The following FAM193A variants were observed in gnomAD, a reference collection of about 807,000 sequenced individuals.
The protein encoded by FAM193A is family with sequence similarity 193 member A, also known as protein FAM193A.
A neutral mutation model predicts 126.5 loss-of-function variants in FAM193A; 22 were observed. The observed-to-expected ratio is 0.17, with a 90% CI of 0.12 to 0.25. FAM193A has a LOEUF of 0.25. Ranked by LOEUF, FAM193A falls within the 10% of genes least tolerant of loss-of-function variation. The pLI, the probability that FAM193A is intolerant of heterozygous loss-of-function variation, is 1.00. For synonymous variants in FAM193A, 761 were observed against 646.8 expected, an observed-to-expected ratio of 1.18 and a Z score of -2.68; for missense variants, 1,675 against 1,672.8, an observed-to-expected ratio of 1.00 and a Z score of -0.02.
chr4:2,615,934 T>C (rs146931246), intron 2 of FAM193A, among the ~76,000 whole-genome samples: 4,740 of 151,902 alleles, frequency 0.031, 228 homozygotes, highest in African/African-American at 0.11. Flanking sequence ...GCCTCAGCCT[T>C]CTGAGTAGCT....
chr4:2,608,013 A>G (rs1200964005), intron 2 of FAM193A: 4 of 1,600,046 alleles, frequency 2.5e-6, no homozygotes, highest in African/African-American at 2.7e-5. Context: ...TGGGGTGTGA[A>G]TGTGCACCAC....
chr4:2,591,961 T>G (rs1197737126), intron 1 of FAM193A, among the ~76,000 whole-genome samples: 1 of 152,208 alleles, frequency 6.6e-6, no homozygotes, highest in Non-Finnish European at 1.5e-5. Flanking sequence ...TATTCTCCTA[T>G]GCAAAAATTT....
intron 5 of FAM193A, among the ~76,000 whole-genome samples, chr4:2,636,205 A>G (rs1744072737): frequency 6.6e-6 from 1 of 151,976 alleles, no homozygotes; most frequent in Non-Finnish European, 1.5e-5. Flanking sequence ...CTGGAACTAC[A>G]GGTGGGTGCC....
intron 12 of FAM193A, among the ~76,000 whole-genome samples, chr4:2,665,975 T>G (rs1713070662): frequency 6.6e-6 from 1 of 152,146 alleles, no homozygotes; most frequent in African/African-American, 2.4e-5. Context: ...GCCTCCCGAG[T>G]GCTTTTAATT....
At chr4:2,723,448 G>T (rs1374386823) in intron 20 of FAM193A, among the ~76,000 whole-genome samples, 1 of 151,566 alleles carries the variant, frequency 6.6e-6, no homozygotes, top group Non-Finnish European at 1.5e-5. Flanking sequence ...GGTGGTGGGT[G>T]CCTGTAATCC....
At chr4:2,716,209 C>T (rs1348239469) in intron 20 of FAM193A, 105 bp downstream of exon 20, 3 of 799,572 alleles carry the variant, frequency 3.8e-6, no homozygotes, top group East Asian at 2.5e-5. Context: ...GACGAAGTTA[C>T]ATCAAGCAAG....
chr4:2,551,060 A>G (rs1011687010), intron 1 of FAM193A, among the ~76,000 whole-genome samples: 1 of 152,126 alleles, frequency 6.6e-6, no homozygotes, highest in Non-Finnish European at 1.5e-5. Context: ...TTGGCCTCCT[A>G]AAGTGCTGGG....
chr4:2,576,636 T>C (rs1739604375), intron 1 of FAM193A, among the ~76,000 whole-genome samples: 1 of 152,226 alleles, frequency 6.6e-6, no homozygotes, highest in Admixed American at 6.5e-5. Context: ...CTTGAGTAGC[T>C]GGGATTACAG....
At chr4:2,651,774 C>G (rs1257368665) in intron 7 of FAM193A, among the ~76,000 whole-genome samples, 1 of 152,220 alleles carries the variant, frequency 6.6e-6, no homozygotes, top group East Asian at 1.9e-4. Flanking sequence ...CAGGACAGCT[C>G]TGACCAGACT....
intron 1 of FAM193A, among the ~76,000 whole-genome samples, chr4:2,570,563 A>G (rs1739232769): frequency 6.6e-6 from 1 of 152,180 alleles, no homozygotes; most frequent in African/African-American, 2.4e-5. Context: ...GTTATAGGAC[A>G]CAGCAGTAAA....
chr4:2,552,661 CT>C (rs1738007115), intron 1 of FAM193A, among the ~76,000 whole-genome samples: 1 of 151,672 alleles, frequency 6.6e-6, no homozygotes, highest in South Asian at 2.1e-4. Flanking sequence ...CCTCAGCCTC[CT>C]GAGTAGCTGG....
At chr4:2,606,202 C>T (rs1037829693) in intron 2 of FAM193A, among the ~76,000 whole-genome samples, 1 of 151,404 alleles carries the variant, frequency 6.6e-6, no homozygotes, top group African/African-American at 2.4e-5. Flanking sequence ...AGGCGTTTGC[C>T]ACTGCGCCCG....
Position 2,563,088 on chromosome 4 carries a change from G to A in FAM193A, c.255+25918G>A, listed in dbSNP as rs1477025021. 2.6e-5 allele frequency among the ~76,000 whole-genome samples: 4 copies of A among 151,846 alleles called. No homozygotes were observed. In the East Asian group the frequency reaches 5.8e-4, roughly 22 times the overall value. ...GCCTCCCAAGTAACTGGGATTACAGGCGCCTGCCACCATGCCCAGCTAATT... is the reference window on the plus strand; with the variant it reads ...GCCTCCCAAGTAACTGGGATTACAGACGCCTGCCACCATGCCCAGCTAATT... On this transcript the variant is annotated intron_variant, in intron 1 of 20. Transcript: ENST00000637812.
At chr4:2,546,369 G>C (rs1560432676) in intron 1 of FAM193A, among the ~76,000 whole-genome samples, 1 of 151,974 alleles carries the variant, frequency 6.6e-6, no homozygotes, top group Non-Finnish European at 1.5e-5. Flanking sequence ...CCACAATCAG[G>C]ATACAGAACA....
chr4:2,663,469 A>G (rs1427306558), intron 12 of FAM193A, among the ~76,000 whole-genome samples, 181 bp downstream of exon 12: 3 of 152,156 alleles, frequency 2.0e-5, no homozygotes, highest in Non-Finnish European at 4.4e-5. Context: ...TCGAATATCA[A>G]TCTTGATTTC....
At chr4:2,555,906 CTGTT>C (rs1560439969) in intron 1 of FAM193A, among the ~76,000 whole-genome samples, 1 of 146,880 alleles carries the variant, frequency 6.8e-6, no homozygotes, top group Non-Finnish European at 1.5e-5. Context: ...GTGAGAGACA[CTGTT>C]TTTTTTTTTT....
chr4:2,659,981 G>C lies in FAM193A; in HGVS notation c.1672G>C (p.Gly558Arg). 2 of 1,614,118 alleles carry C rather than the reference G, an allele frequency of 1.2e-6. No individual in the cohort carries two copies. The highest frequency in any genetic ancestry group is 1.1e-5 in the South Asian group (1 of 91,070). Residue 558 changes from glycine (G) to arginine (R), a missense_variant, in exon 10 of 21, where the codon GGC becomes CGC. Physicochemically the swap from Gly to Arg is moderately radical, Grantham distance 125. Around this residue, in one of 4 missense-constraint regions of FAM193A, gnomAD observed 1,186 missense variants for 1,109.2 expected, o/e 1.07. Transcript: ENST00000637812. Reference sequence around the variant, plus strand: ...TGTGTCATCTGCAAGCTCGGGGTCCGGCTCCAGCTCTCCCATCACAATTCA... The same window carrying C: ...TGTGTCATCTGCAAGCTCGGGGTCCCGCTCCAGCTCTCCCATCACAATTCA... ...PSVSSASSGS[G>R]SSSPITIQQH...
At chr4:2,731,386 A>G (rs190225404) in intron 20 of FAM193A, among the ~76,000 whole-genome samples, 52 of 151,258 alleles carry the variant, frequency 3.4e-4, no homozygotes, top group Non-Finnish European at 2.4e-4. Flanking sequence ...GGATTTCACC[A>G]TGTTGCCCAG....
chr4:2,588,716 T>G (rs1372261796), intron 1 of FAM193A, among the ~76,000 whole-genome samples: 1 of 152,222 alleles, frequency 6.6e-6, no homozygotes, highest in Non-Finnish European at 1.5e-5. Flanking sequence ...AGTTTTATTT[T>G]TCTCTCTGGT....
Sources: gnomAD v4.1 joint callset for allele counts (sites outside exome capture counted in the v4.1 genomes callset) on GRCh38, gnomAD v4.1.1 for gene constraint, gnomAD v4.1.1 regional missense constraint, MANE v1.5 for transcripts, NCBI Gene and HGNC (gene_info 2026-07-23, HGNC 2026-07-21) for gene names.